Variants in IMMT observed in about 807,000 individuals in gnomAD.
IMMT encodes the protein inner membrane mitochondrial protein, also known as MICOS complex subunit MIC60.
IMMT carries 40 observed loss-of-function variants against 92.7 expected under a neutral mutation model. The ratio of observed to expected loss-of-function variants is 0.43; its 90% CI spans 0.34 to 0.56. The LOEUF is 0.56. IMMT is among the 20% of genes least tolerant of loss of function. IMMT has a pLI of 0.03. For missense variants in IMMT, 831 were observed against 912.1 expected, an observed-to-expected ratio of 0.91 and a Z score of 1.14; for synonymous variants, 322 against 336.1, an observed-to-expected ratio of 0.96 and a Z score of 0.46.
At chr2:86,153,862 T>A (rs1307253771) in intron 10 of IMMT, among the ~76,000 whole-genome samples, 1 of 151,488 alleles carries the variant, frequency 6.6e-6, no homozygotes, top group African/African-American at 2.4e-5. Context: ...TCAACTTAAA[T>A]TTTTTGTTTT....
chr2:86,153,680 T>A, intron 10 of IMMT, 106 bp from the exon 11 acceptor site: 1 of 619,606 alleles, frequency 1.6e-6, no homozygotes, highest in Non-Finnish European at 2.7e-6. Context: ...AATCGGAGAC[T>A]AGTACCAGGA....
intron 3 of IMMT, among the ~76,000 whole-genome samples, chr2:86,177,394 G>A (rs1356173890): frequency 6.6e-6 from 1 of 152,016 alleles, no homozygotes; most frequent in East Asian, 1.9e-4. Context: ...CCTGAGGTCA[G>A]GAGTTTAAGA....
At chr2:86,182,490 A>C (rs1238769617) in intron 1 of IMMT, among the ~76,000 whole-genome samples, 1 of 152,232 alleles carries the variant, frequency 6.6e-6, no homozygotes, top group African/African-American at 2.4e-5. Flanking sequence ...ACAAAAAAAC[A>C]AATCAGATGT....
In IMMT at chr2:86,162,006, T is replaced by A; in HGVS notation, c.866A>T (p.Asp289Val). 1 of 1,603,162 alleles carries A rather than the reference T, an allele frequency of 6.2e-7. No individual in the cohort carries two copies. ...GALKERRKAV[D>V]EAADALLKAK... The stretch of plus-strand genomic sequence containing the variant: ...TTTGAGAAGGGCATCGGCAGCTTCA[T>A]CTACTGCCTTTCTGCGTTCCTTCAA... Residue 289 changes from aspartate to valine, a missense_variant, in exon 8 of 15, where the codon GAT becomes GTT. By Grantham distance (152) the Asp-to-Val change is radical. Transcript: ENST00000410111.
chr2:86,170,067 T>C (rs550951390), intron 6 of IMMT, among the ~76,000 whole-genome samples: 2 of 152,076 alleles, frequency 1.3e-5, no homozygotes, highest in African/African-American at 4.8e-5. Flanking sequence ...AACAAATAAA[T>C]TTACAATTAT....
intron 7 of IMMT, 52 bp from the exon 8 acceptor site, chr2:86,162,131 G>C: frequency 1.8e-6 from 2 of 1,119,768 alleles, no homozygotes; most frequent in Non-Finnish European, 2.5e-6. Flanking sequence ...ATTGTCATAT[G>C]ATAGGCCAAC....
intron 1 of IMMT, among the ~76,000 whole-genome samples, chr2:86,191,846 C>T (rs1264681532): frequency 1.3e-5 from 2 of 151,076 alleles, no homozygotes; most frequent in Non-Finnish European, 2.9e-5. Flanking sequence ...ACCCGGGAGG[C>T]GGAGCTTGCA....
chr2:86,159,355 G>C, intron 9 of IMMT, 181 bp downstream of exon 9: 1 of 677,736 alleles, frequency 1.5e-6, no homozygotes, highest in Non-Finnish European at 2.7e-6. Context: ...AAAGTGCTGG[G>C]ATTACAGGTG....
chr2:86,154,933 G>C (rs1675744582), intron 10 of IMMT, among the ~76,000 whole-genome samples: 1 of 152,030 alleles, frequency 6.6e-6, no homozygotes, highest in Admixed American at 6.6e-5. Context: ...CACGATCTCG[G>C]CTCACTGTAA....
chr2:86,144,415 G>A lies in IMMT; in HGVS notation c.2130C>T (p.Val710=). The change falls in exon 15 of 15, where the codon GTC becomes GTT. Residue 710 remains valine (V), a synonymous_variant. Coordinates refer to ENST00000410111, the MANE Select transcript of IMMT (RefSeq NM_006839.3). ...HGDLELAAKF[V]NQLKGESRRV... ...GTCTGGATTCCCCCTTCAGCTGATTGACAAACTTTGCTGCTAGCTCCAGAT... is the reference window on the plus strand; with the variant it reads ...GTCTGGATTCCCCCTTCAGCTGATTAACAAACTTTGCTGCTAGCTCCAGAT... The A allele has an allele frequency of 6.2e-7, 1 of 1,613,970 alleles. No individual in the cohort carries two copies. Among genetic ancestry groups the A allele is most frequent in the Non-Finnish European group, 8.5e-7 (1 of 1,179,892 alleles).
At chr2:86,158,535 A>C (rs1435203059) in intron 10 of IMMT, 57 bp downstream of exon 10, 3 of 1,418,002 alleles carry the variant, frequency 2.1e-6, no homozygotes, top group Admixed American at 4.1e-5. Context: ...GCAAGTTTAG[A>C]TTCATTGATT....
chr2:86,184,446 G>A (rs1237293400), intron 1 of IMMT, among the ~76,000 whole-genome samples: 1 of 151,992 alleles, frequency 6.6e-6, no homozygotes. Context: ...AAAGCACTGA[G>A]TAATTTTTAT....
chr2:86,176,433 C>T (rs759940618), intron 3 of IMMT, among the ~76,000 whole-genome samples: 4 of 151,796 alleles, frequency 2.6e-5, no homozygotes, highest in African/African-American at 7.3e-5. Context: ...AGACTGTGTG[C>T]GCATGGAGAG....
At chr2:86,171,849 T>C (rs541851731) in intron 4 of IMMT, among the ~76,000 whole-genome samples, 3 of 116,020 alleles carry the variant, frequency 2.6e-5, no homozygotes, top group African/African-American at 6.0e-5. Flanking sequence ...TTAAAATACA[T>C]ATATATATAT....
At chr2:86,146,282 T>TG in intron 13 of IMMT, 85 bp from the exon 14 acceptor site, 5 of 1,243,190 alleles carry the variant, frequency 4.0e-6, no homozygotes, top group Non-Finnish European at 5.6e-6. Flanking sequence ...AACTACTTGC[T>TG]GAAGCAAAGA....
chr2:86,162,822 G>C (rs1444660094), intron 7 of IMMT, among the ~76,000 whole-genome samples: 1 of 151,936 alleles, frequency 6.6e-6, no homozygotes, highest in Non-Finnish European at 1.5e-5. Flanking sequence ...CCAGCCTGGC[G>C]ACAGAGAAAG....
At chr2:86,175,406 TATTTGGTACTATCTTAATGTA>T (rs978564646) in intron 3 of IMMT, among the ~76,000 whole-genome samples, 1 of 152,100 alleles carries the variant, frequency 6.6e-6, no homozygotes, top group African/African-American at 2.4e-5. Context: ...ATGTCATATA[TATTTGGTACTATCTTAATGTA>T]ATTTGGTACT....
intron 4 of IMMT, 26 bp from the exon 5 acceptor site, chr2:86,171,371 T>C (rs1677071644): frequency 1.2e-6 from 2 of 1,600,244 alleles, no homozygotes; most frequent in South Asian, 2.2e-5. Context: ...ACTCATGGTA[T>C]TTATACTTTC....
chr2:86,170,255 A>G (rs1183385557), intron 6 of IMMT, among the ~76,000 whole-genome samples: 1 of 152,144 alleles, frequency 6.6e-6, no homozygotes, highest in Non-Finnish European at 1.5e-5. Flanking sequence ...GTGTCTATAA[A>G]AAATTTTTAA....
Sources: gnomAD v4.1 joint callset for allele counts (sites outside exome capture counted in the v4.1 genomes callset) on GRCh38, gnomAD v4.1.1 for gene constraint, MANE v1.5 for transcripts, NCBI Gene and HGNC (gene_info 2026-07-23, HGNC 2026-07-21) for gene names.